DLGAP2: variants seen among roughly 807,000 people sequenced by gnomAD.
The protein encoded by DLGAP2 is DLG associated protein 2.
In DLGAP2, 26 loss-of-function variants were observed where a neutral mutation model predicts 100.3. That is an observed-to-expected ratio of 0.26 (90% CI 0.19 to 0.36). DLGAP2 has a LOEUF of 0.36. DLGAP2 is among the 10% of genes least tolerant of loss of function. The probability of loss-of-function intolerance (pLI) is 1.00; values close to 1 mark genes in which losing one functional copy is unlikely to be tolerated. For missense variants in DLGAP2, 1,858 were observed against 1,453.2 expected (o/e 1.28, Z -4.53); for synonymous variants, 886 against 630.1 (o/e 1.41, Z -6.08).
intron 8 of DLGAP2, among the ~76,000 whole-genome samples, chr8:1,647,833 G>A (rs1006818671): frequency 7.9e-5 from 12 of 152,144 alleles, no homozygotes; most frequent in African/African-American, 2.7e-4. Flanking sequence ...CTGGAAGTCT[G>A]GGGTCAGGGT....
intron 2 of DLGAP2, among the ~76,000 whole-genome samples, chr8:1,240,235 A>G (rs183003822): frequency 3.2e-5 from 4 of 125,062 alleles, no homozygotes; most frequent in East Asian, 2.5e-4. Flanking sequence ...GTTCTCTCAC[A>G]TGGCGCCGTG....
chr8:1,184,735 G>A (rs1240001728), intron 2 of DLGAP2, among the ~76,000 whole-genome samples: 1 of 152,194 alleles, frequency 6.6e-6, no homozygotes, highest in Non-Finnish European at 1.5e-5. Context: ...CCTGGGAGGA[G>A]GGTGAGGCCA....
At chr8:1,605,264 C>T (rs1385858998) in intron 6 of DLGAP2, among the ~76,000 whole-genome samples, 4 of 152,188 alleles carry the variant, frequency 2.6e-5, no homozygotes, top group Admixed American at 6.5e-5. Context: ...GTTCTGGACA[C>T]AGCTCCCTAC....
chr8:1,127,046 G>T (rs116264531), intron 2 of DLGAP2, among the ~76,000 whole-genome samples: 4,535 of 149,046 alleles, frequency 0.03, 225 homozygotes, highest in African/African-American at 0.11. Flanking sequence ...CTCTTAAACG[G>T]TCCATCTGCT....
chr8:914,365 C>A (rs933134051), intron 2 of DLGAP2, among the ~76,000 whole-genome samples: 3 of 152,194 alleles, frequency 2.0e-5, no homozygotes, highest in Middle Eastern at 3.2e-3. Context: ...AGCCACGTTC[C>A]TCATATGCTT....
intron 2 of DLGAP2, among the ~76,000 whole-genome samples, 167 bp from the exon 3 acceptor site, chr8:1,258,684 C>T (rs927618021): frequency 2.6e-5 from 4 of 152,170 alleles, no homozygotes; most frequent in South Asian, 2.1e-4. Context: ...AAGTTGCTGG[C>T]GTGCAAGGCC....
chr8:852,967 A>G (rs1343566652), intron 1 of DLGAP2, among the ~76,000 whole-genome samples: 1 of 152,206 alleles, frequency 6.6e-6, no homozygotes, highest in East Asian at 1.9e-4. Context: ...ATCTTCGCAG[A>G]TGGGTCAGAC....
At chr8:901,853 T>C (rs1798258313) in intron 1 of DLGAP2, among the ~76,000 whole-genome samples, 1 of 152,238 alleles carries the variant, frequency 6.6e-6, no homozygotes, top group Non-Finnish European at 1.5e-5. Context: ...TGTAACATTG[T>C]TGCTCCCGTT....
intron 2 of DLGAP2, among the ~76,000 whole-genome samples, chr8:1,233,123 C>T (rs1173466549): frequency 6.6e-6 from 1 of 152,168 alleles, no homozygotes. Flanking sequence ...ATAGACACTC[C>T]CTCCATGCTT....
intron 2 of DLGAP2, among the ~76,000 whole-genome samples, chr8:1,183,091 C>G (rs1021506152): frequency 6.6e-6 from 1 of 152,046 alleles, no homozygotes; most frequent in Admixed American, 6.5e-5. Flanking sequence ...GCTGGGATGA[C>G]ACAAATGCAT....
At chr8:752,502 C>T (rs1388099800) in intron 1 of DLGAP2, among the ~76,000 whole-genome samples, 2 of 152,148 alleles carry the variant, frequency 1.3e-5, no homozygotes, top group Non-Finnish European at 2.9e-5. Flanking sequence ...AGGGCCCGGT[C>T]AGCACCAGCC....
chr8:1,223,958 C>T (rs973401635), intron 2 of DLGAP2, among the ~76,000 whole-genome samples: 1 of 152,188 alleles, frequency 6.6e-6, no homozygotes, highest in East Asian at 1.9e-4. Flanking sequence ...TTTTCTCAAC[C>T]TTAATTATTT....
chr8:841,742 G>A (rs994718029), intron 1 of DLGAP2, among the ~76,000 whole-genome samples: 27 of 152,068 alleles, frequency 1.8e-4, no homozygotes, highest in Admixed American at 5.2e-4. Context: ...CCCCACACCC[G>A]GCAGCAGGTG....
In DLGAP2 at chr8:1,158,824, G is replaced by A. The variant is rs187254033; in HGVS notation, c.74-100027G>A. ...AACTGCACAGTTTTTTTTCTTGTGT[G>A]TTGGTCACTTTGGGGACCCCGTTAG... is the stretch of plus-strand genomic sequence containing the variant. On this transcript the variant is annotated intron_variant, in intron 2 of 14. Coordinates refer to ENST00000637795, the MANE Select transcript of DLGAP2 (RefSeq NM_001346810.2). Among the ~76,000 whole-genome samples, 324 of 152,284 alleles carry A rather than the reference G, an allele frequency of 2.1e-3. 10 individuals are homozygous for A. Among genetic ancestry groups the A allele is most frequent in the Admixed American group, 0.019 (297 of 15,292 alleles).
Position 1,373,582 on chromosome 8 carries a change from C to T in DLGAP2, c.106+114699C>T, listed in dbSNP as rs538719191. 2.6e-5 allele frequency: 4 copies of T among 152,366 alleles called. No individual in the cohort carries two copies. In the East Asian group the frequency reaches 7.7e-4, roughly 29 times the overall value. The allele number at this position is 152,366 out of a possible 1,614,324, so 9.4% of individuals were successfully genotyped here. A position where few individuals can be genotyped will look rare whatever the true frequency, so the allele number is the denominator to read the frequency against. ...TCAACGTTCAGTGAGATCATTTCAC[C>T]AGTGAGGTGGCCACAGCGGCGCTTT... On this transcript the variant is annotated intron_variant, in intron 3 of 14. Transcript: ENST00000637795.
intron 2 of DLGAP2, among the ~76,000 whole-genome samples, chr8:935,342 G>T (rs1799047110): frequency 6.6e-6 from 1 of 152,180 alleles, no homozygotes; most frequent in South Asian, 2.1e-4. Context: ...AGGATGCCCG[G>T]CTCCTCAGTC....
At chr8:1,008,740 A>T (rs1801192696) in intron 2 of DLGAP2, among the ~76,000 whole-genome samples, 1 of 152,062 alleles carries the variant, frequency 6.6e-6, no homozygotes, top group Non-Finnish European at 1.5e-5. Context: ...CCGCTCCCCC[A>T]CCCCAGCACT....
rs149813343 is a variant in DLGAP2, at chr8:1,157,582, C to G, written c.74-101269C>G. 3.9e-4 allele frequency among the ~76,000 whole-genome samples: 60 copies of G among 152,300 alleles called. No homozygotes were observed. The East Asian group carries it at 7.1e-3, about 18-fold the overall frequency. ...CTGTGTCCCGGCTCCCAGAGCAAGA[C>G]CAGCCAACGGTGGCGCTGTGTTTGT... On this transcript the variant is annotated intron_variant, in intron 2 of 14. Coordinates refer to ENST00000637795, the MANE Select transcript of DLGAP2 (RefSeq NM_001346810.2).
chr8:1,381,817 G>A (rs1029705190), intron 3 of DLGAP2, among the ~76,000 whole-genome samples: 2 of 147,078 alleles, frequency 1.4e-5, no homozygotes, highest in Non-Finnish European at 2.9e-5. Flanking sequence ...GTGTGTGTGT[G>A]TGTGTGTTTG....
Sources: allele counts gnomAD v4.1 joint callset (sites outside exome capture counted in the v4.1 genomes callset), GRCh38; gene constraint gnomAD v4.1.1; transcripts MANE v1.5; gene names NCBI Gene and HGNC (gene_info 2026-07-23, HGNC 2026-07-21).